The following TBX15 variants were observed in gnomAD, a reference collection of about 807,000 sequenced individuals.
The protein encoded by TBX15 is T-box transcription factor 15.
A neutral mutation model predicts 53.9 loss-of-function variants in TBX15; 18 were observed. The ratio of observed to expected loss-of-function variants is 0.33; its 90% CI spans 0.23 to 0.49. TBX15 has a LOEUF of 0.49. Ranked by LOEUF, TBX15 falls within the 20% of genes least tolerant of loss-of-function variation. The pLI is 0.98. For missense variants in TBX15, 692 were observed against 749.5 expected, an observed-to-expected ratio of 0.92 and a Z score of 0.90; for synonymous variants, 295 against 278.0, an observed-to-expected ratio of 1.06 and a Z score of -0.61.
In TBX15 at chr1:118,884,608, A is replaced by C. The variant is rs1184359747; in HGVS notation, c.*124T>G. ...CTTGGGTATATGTCTTCGGCCAGAA[A>C]AAAAAAAAAAAAAAAAACACGGTTC... On this transcript the variant is annotated 3_prime_UTR_variant, in exon 8 of 8. Transcript: ENST00000369429. The C allele has an allele frequency of 2.1e-6, 2 of 960,186 alleles. No homozygotes were observed. Among genetic ancestry groups the C allele is most frequent in the Admixed American group, 6.6e-5 (2 of 30,248 alleles). The allele number at this position is 960,186 out of a possible 1,614,324, so 59.5% of individuals were successfully genotyped here.
At chr1:118,909,597 C>T (rs11586736) in intron 6 of TBX15, among the ~76,000 whole-genome samples, 1 of 152,110 alleles carries the variant, frequency 6.6e-6, no homozygotes, top group African/African-American at 2.4e-5. Context: ...TCTTTTTCTT[C>T]TTTGAGACGG....
At chr1:118,936,977 A>T (rs1349860593) in intron 1 of TBX15, among the ~76,000 whole-genome samples, 1 of 152,204 alleles carries the variant, frequency 6.6e-6, no homozygotes, top group Non-Finnish European at 1.5e-5. Flanking sequence ...TAGAAAGGAC[A>T]TAGAAACTGT....
At chr1:118,930,189 A>C (rs1655733777) in intron 2 of TBX15, among the ~76,000 whole-genome samples, 1 of 152,204 alleles carries the variant, frequency 6.6e-6, no homozygotes, top group South Asian at 2.1e-4. Flanking sequence ...CCTTATATAC[A>C]CGTAGATAAA....
chr1:118,923,965 T>C lies in TBX15; in HGVS notation c.694-362A>G, dbSNP rs115803934. ...AAATTTTCAGCATGTATTCATGCTGTCTTTAAATTCTACATCCTATTATTT... is the reference window on the plus strand; with the variant it reads ...AAATTTTCAGCATGTATTCATGCTGCCTTTAAATTCTACATCCTATTATTT... On this transcript the variant is annotated intron_variant, in intron 4 of 7. Transcript: ENST00000369429. 7.9e-3 allele frequency among the ~76,000 whole-genome samples: 1,199 copies of C among 152,356 alleles called. 20 individuals are homozygous for C. The highest frequency in any genetic ancestry group is 0.027 in the African/African-American group (1,141 of 41,572).
Position 118,987,609 on chromosome 1 carries a change from C to T in TBX15, c.187G>A (p.Gly63Ser). The change falls in exon 1 of 8, where the codon GGC (glycine) becomes AGC (serine). Residue 63 changes from glycine to serine, a missense_variant. Physicochemically the swap from Gly to Ser is moderately conservative, Grantham distance 56. Around this residue, in one of 3 missense-constraint regions of TBX15, gnomAD observed 307 missense variants for 347.5 expected, o/e 0.88. Transcript: ENST00000369429. The part of the protein sequence containing the change: ...LGDTEDAAAH[G>S]LEPHPDSEQS... ...CACTCACCCGGGTGAGGCTCCAGGC[C>T]GTGTGCCGCCGCGTCCTCCGTGTCT... 6.5e-7 allele frequency: 1 copy of T among 1,548,494 alleles called. No individual in the cohort carries two copies. The highest frequency in any genetic ancestry group is 8.7e-7 in the Non-Finnish European group (1 of 1,146,726).
chr1:118,923,870 A>G (rs1655507810), intron 4 of TBX15, among the ~76,000 whole-genome samples: 1 of 152,232 alleles, frequency 6.6e-6, no homozygotes, highest in Non-Finnish European at 1.5e-5. Flanking sequence ...TGACTTCTTT[A>G]GTACCAATGG....
At chr1:118,897,438 G>C (rs989881382) in intron 7 of TBX15, among the ~76,000 whole-genome samples, 1 of 152,066 alleles carries the variant, frequency 6.6e-6, no homozygotes, top group East Asian at 1.9e-4. Flanking sequence ...AACCTTCTCC[G>C]ACCAGCCTCC....
At chr1:118,898,648 G>A (rs1280919787) in intron 7 of TBX15, among the ~76,000 whole-genome samples, 2 of 151,984 alleles carry the variant, frequency 1.3e-5, no homozygotes, top group Non-Finnish European at 2.9e-5. Context: ...TGCTCATCAC[G>A]AAACTTTTCT....
At chr1:118,894,636 A>G (rs147799383) in intron 7 of TBX15, among the ~76,000 whole-genome samples, 1 of 151,834 alleles carries the variant, frequency 6.6e-6, no homozygotes, top group African/African-American at 2.4e-5. Context: ...ATGTGGACAG[A>G]TTTAAGAACT....
intron 6 of TBX15, among the ~76,000 whole-genome samples, chr1:118,904,159 A>G (rs1654733363): frequency 6.6e-6 from 1 of 152,154 alleles, no homozygotes; most frequent in Non-Finnish European, 1.5e-5. Context: ...ATTCCATGAC[A>G]GGTGCTTAGA....
intron 7 of TBX15, among the ~76,000 whole-genome samples, chr1:118,891,777 G>A (rs1442564435): frequency 6.6e-6 from 1 of 152,186 alleles, no homozygotes; most frequent in Admixed American, 6.5e-5. Context: ...AGAGAGCAAA[G>A]TTGAGAAATG....
intron 1 of TBX15, among the ~76,000 whole-genome samples, chr1:118,957,962 C>T (rs372843537): frequency 5.3e-5 from 8 of 152,124 alleles, no homozygotes; most frequent in African/African-American, 1.9e-4. Flanking sequence ...CACATGCACA[C>T]GTATGTTTAT....
chr1:118,906,160 CAAT>C (rs1370780925), intron 6 of TBX15, among the ~76,000 whole-genome samples: 2 of 152,112 alleles, frequency 1.3e-5, no homozygotes, highest in Admixed American at 1.3e-4. Flanking sequence ...GAATGGCTAA[CAAT>C]AAATATATGA....
At chr1:118,933,472 A>T (rs1430692478) in intron 1 of TBX15, among the ~76,000 whole-genome samples, 1 of 149,096 alleles carries the variant, frequency 6.7e-6, no homozygotes, top group East Asian at 1.9e-4. Flanking sequence ...ACAAAAAAAA[A>T]AAACTATAAA....
At chr1:118,974,349 T>C (rs1033486888) in intron 1 of TBX15, among the ~76,000 whole-genome samples, 4 of 152,196 alleles carry the variant, frequency 2.6e-5, no homozygotes, top group Admixed American at 2.0e-4. Context: ...TTTTTGCTTC[T>C]GAAAGCCATT....
chr1:118,915,451 G>C (rs569238510), intron 5 of TBX15, among the ~76,000 whole-genome samples: 65 of 152,270 alleles, frequency 4.3e-4, no homozygotes, highest in African/African-American at 1.5e-3. Context: ...AGTCTTCCAG[G>C]CTTCAAGGTT....
intron 7 of TBX15, among the ~76,000 whole-genome samples, chr1:118,886,750 A>G (rs1653957229): frequency 6.6e-6 from 1 of 152,196 alleles, no homozygotes; most frequent in Non-Finnish European, 1.5e-5. Flanking sequence ...AGAGTCTCTG[A>G]TTCTGTAAGT....
At chr1:118,914,752 T>C (rs1655143233) in intron 5 of TBX15, among the ~76,000 whole-genome samples, 1 of 152,206 alleles carries the variant, frequency 6.6e-6, no homozygotes. Flanking sequence ...AATGTTCATG[T>C]AGAAGACAGA....
At chr1:118,969,421 A>G (rs938164767) in intron 1 of TBX15, among the ~76,000 whole-genome samples, 7 of 152,254 alleles carry the variant, frequency 4.6e-5, no homozygotes, top group Non-Finnish European at 4.4e-5. Context: ...AGATGAATGA[A>G]TAATGAACTT....
Sources: allele counts gnomAD v4.1 joint callset (sites outside exome capture counted in the v4.1 genomes callset), GRCh38; gene constraint gnomAD v4.1.1; regional missense constraint gnomAD v4.1.1; transcripts MANE v1.5; gene names NCBI Gene and HGNC (gene_info 2026-07-23, HGNC 2026-07-21).